The following SHROOM3 variants were observed in gnomAD, a reference collection of about 807,000 sequenced individuals.
The protein encoded by SHROOM3 is protein Shroom3.
SHROOM3 carries 47 observed loss-of-function variants against 138.6 expected under a neutral mutation model. That is an observed-to-expected ratio of 0.34 (90% CI 0.27 to 0.43). The LOEUF is 0.43. Ranked by LOEUF, SHROOM3 falls within the 20% of genes least tolerant of loss-of-function variation. The probability of loss-of-function intolerance (pLI) is 1.00; values close to 1 mark genes in which losing one functional copy is unlikely to be tolerated. For missense variants in SHROOM3, 2,491 were observed against 2,596.5 expected, an observed-to-expected ratio of 0.96 and a Z score of 0.88; for synonymous variants, 1,062 against 1,063.3, an observed-to-expected ratio of 1.00 and a Z score of 0.02.
chr4:76,574,815 G>A (rs973620004), intron 2 of SHROOM3, among the ~76,000 whole-genome samples: 1 of 152,194 alleles, frequency 6.6e-6, no homozygotes, highest in Non-Finnish European at 1.5e-5. Flanking sequence ...GTTGCCACAG[G>A]TTGGGGGAGG....
intron 1 of SHROOM3, among the ~76,000 whole-genome samples, chr4:76,539,135 A>G (rs905973836): frequency 6.6e-6 from 1 of 152,178 alleles, no homozygotes; most frequent in Non-Finnish European, 1.5e-5. Flanking sequence ...TTAGTTTCTT[A>G]TCTACAAAAT....
chr4:76,705,307 A>AAACAAC lies in SHROOM3; in HGVS notation c.324-4825_324-4820dup, dbSNP rs147261587. Among the ~76,000 whole-genome samples, 481 of 150,984 alleles carry AAACAAC rather than the reference A, an allele frequency of 3.2e-3. 10 individuals carry two copies. The highest frequency in any genetic ancestry group is 0.028 in the Admixed American group (425 of 15,196). On this transcript the variant is annotated intron_variant, in intron 2 of 10. Transcript: ENST00000296043. ...CAATGTAGTGAGACTCCGTCTCTAC[A>AAACAAC]AACAACAACAACAACAACAACAACA...
intron 7 of SHROOM3, among the ~76,000 whole-genome samples, chr4:76,755,534 A>G (rs1721778071): frequency 6.6e-6 from 1 of 152,162 alleles, no homozygotes; most frequent in Admixed American, 6.5e-5. Flanking sequence ...AGAAGACAAA[A>G]ACATCACTTT....
chr4:76,757,504 C>T (rs1203904435), intron 8 of SHROOM3, among the ~76,000 whole-genome samples: 2 of 152,190 alleles, frequency 1.3e-5, no homozygotes, highest in African/African-American at 2.4e-5. Flanking sequence ...AAGTGGTGAG[C>T]GTGGCCAACG....
At chr4:76,561,609 T>G (rs1218101142) in intron 2 of SHROOM3, among the ~76,000 whole-genome samples, 4 of 151,160 alleles carry the variant, frequency 2.6e-5, no homozygotes, top group Non-Finnish European at 5.9e-5. Context: ...TAGGGACTTT[T>G]GGCCCCTCAA....
chr4:76,672,350 G>T (rs1177473952), intron 2 of SHROOM3, among the ~76,000 whole-genome samples: 1 of 150,442 alleles, frequency 6.6e-6, no homozygotes, highest in Non-Finnish European at 1.5e-5. Context: ...GCTTCAGCAG[G>T]CATATATCTT....
chr4:76,579,341 G>A (rs1276150450), intron 2 of SHROOM3, among the ~76,000 whole-genome samples: 4 of 152,010 alleles, frequency 2.6e-5, no homozygotes, highest in African/African-American at 4.8e-5. Flanking sequence ...GGTGGCAGGC[G>A]CCTGTAGTCC....
intron 1 of SHROOM3, among the ~76,000 whole-genome samples, chr4:76,536,939 C>G (rs1053865821): frequency 1.3e-5 from 2 of 152,092 alleles, no homozygotes; most frequent in African/African-American, 2.4e-5. Context: ...ATGGTGAAAC[C>G]CCATCTGTAC....
chr4:76,750,069 G>C (rs2110140665), intron 6 of SHROOM3, among the ~76,000 whole-genome samples: 1 of 152,206 alleles, frequency 6.6e-6, no homozygotes, highest in Admixed American at 6.5e-5. Context: ...ACATGGTCAG[G>C]AAGTAGGTAT....
At chr4:76,606,007 A>ATTTTTTT (rs1164704632) in intron 2 of SHROOM3, among the ~76,000 whole-genome samples, 5 of 77,830 alleles carry the variant, frequency 6.4e-5, no homozygotes, top group Non-Finnish European at 7.1e-5. Flanking sequence ...ATATATATAT[A>ATTTTTTT]TTTTTTTTTT....
Position 76,783,225 on chromosome 4 carries a change from AAAAAT to A in SHROOM3, c.*4053_*4057del, listed in dbSNP as rs1397037084. On this transcript the variant is annotated 3_prime_UTR_variant, in exon 11 of 11. Transcript: ENST00000296043. Reference sequence around the variant, plus strand: ...ATAAACAGAAATTGAAGTTAAATTTAAAAATAAAAATAACCTCAGAAGTTGAAAGT... The same window carrying A: ...ATAAACAGAAATTGAAGTTAAATTTAAAAAATAACCTCAGAAGTTGAAAGT... 6.6e-6 allele frequency: 1 copy of A among 152,244 alleles called. No individual in the cohort carries two copies. Among genetic ancestry groups the A allele is most frequent in the African/African-American group, 2.4e-5 (1 of 41,464 alleles). The allele number at this position is 152,244 out of a possible 1,614,324, so 9.4% of individuals were successfully genotyped here. A position where few individuals can be genotyped will look rare whatever the true frequency, so the allele number is the denominator to read the frequency against.
rs1353142819 is a variant in SHROOM3 at position 76,761,289 on chromosome 4, C to T, written c.5349+1594C>T. ...CACTTTCAATTATCACCCTCTCACT[C>T]GAAGCATTATGTGGCAAAAAGTATT... On this transcript the variant is annotated intron_variant, in intron 9 of 10. Coordinates refer to ENST00000296043, the MANE Select transcript of SHROOM3 (RefSeq NM_020859.4). Among the ~76,000 whole-genome samples the T allele has an allele frequency of 2.0e-5, 3 of 152,126 alleles. No homozygotes were observed. The East Asian group carries it at 5.8e-4, about 29-fold the overall frequency.
intron 2 of SHROOM3, among the ~76,000 whole-genome samples, chr4:76,648,506 A>AT (rs11360201): frequency 9.3e-5 from 14 of 150,072 alleles, no homozygotes; most frequent in Non-Finnish European, 1.6e-4. Flanking sequence ...AAAGACCTGC[A>AT]TTTTTTTTTT....
intron 9 of SHROOM3, among the ~76,000 whole-genome samples, chr4:76,762,541 G>C (rs552096809): frequency 6.6e-6 from 1 of 152,192 alleles, no homozygotes; most frequent in Non-Finnish European, 1.5e-5. Flanking sequence ...ATGAGAAAAG[G>C]CCATTTAGTT....
chr4:76,647,014 T>G (rs948009367), intron 2 of SHROOM3, among the ~76,000 whole-genome samples: 19 of 152,156 alleles, frequency 1.2e-4, no homozygotes, highest in Non-Finnish European at 2.5e-4. Flanking sequence ...GAATCCTAAG[T>G]GTTCATCAGC....
intron 4 of SHROOM3, 28 bp from the exon 5 acceptor site, chr4:76,738,733 G>C (rs1010390029): frequency 1.2e-6 from 2 of 1,612,850 alleles, no homozygotes; most frequent in African/African-American, 2.7e-5. Flanking sequence ...ACAGCTCAGT[G>C]GTACTGACTG....
intron 2 of SHROOM3, among the ~76,000 whole-genome samples, chr4:76,648,892 G>A (rs1161671905): frequency 6.6e-6 from 1 of 152,096 alleles, no homozygotes; most frequent in Non-Finnish European, 1.5e-5. Context: ...AGCTGTATAG[G>A]AGAGTATCAC....
chr4:76,548,892 T>G (rs561954804), intron 1 of SHROOM3, among the ~76,000 whole-genome samples: 1 of 152,348 alleles, frequency 6.6e-6, no homozygotes, highest in Non-Finnish European at 1.5e-5. Flanking sequence ...TTGCACACGG[T>G]GTGTTATCTG....
intron 1 of SHROOM3, among the ~76,000 whole-genome samples, chr4:76,516,940 G>A (rs1295631604): frequency 6.6e-6 from 1 of 152,176 alleles, no homozygotes; most frequent in Non-Finnish European, 1.5e-5. Flanking sequence ...AGTTATTTAT[G>A]TTCTCACTTA....
Sources: gnomAD v4.1 joint callset for allele counts (sites outside exome capture counted in the v4.1 genomes callset) on GRCh38, gnomAD v4.1.1 for gene constraint, MANE v1.5 for transcripts, NCBI Gene and HGNC (gene_info 2026-07-23, HGNC 2026-07-21) for gene names.